Variants in GAB2 observed in about 807,000 individuals in gnomAD.
The protein encoded by GAB2 is GRB2-associated-binding protein 2.
A neutral mutation model predicts 65.5 loss-of-function variants in GAB2; 26 were observed. That is an observed-to-expected ratio of 0.40 (90% CI 0.29 to 0.55). The LOEUF (loss-of-function observed/expected upper bound fraction) is 0.55. Ranked by LOEUF, GAB2 falls within the 20% of genes least tolerant of loss-of-function variation. The pLI, the probability that GAB2 is intolerant of heterozygous loss-of-function variation, is 0.53. For synonymous variants in GAB2, 321 were observed against 329.6 expected, an observed-to-expected ratio of 0.97 and a Z score of 0.28; for missense variants, 884 against 875.8, an observed-to-expected ratio of 1.01 and a Z score of -0.12.
chr11:78,400,629 G>A (rs1341405443), intron 1 of GAB2, among the ~76,000 whole-genome samples: 5 of 152,212 alleles, frequency 3.3e-5, no homozygotes, highest in East Asian at 1.9e-4. Flanking sequence ...AAGGCCAGGC[G>A]CAGTGGCTCA....
chr11:78,269,463 GA>G (rs1300859241), intron 2 of GAB2, among the ~76,000 whole-genome samples: 1 of 152,148 alleles, frequency 6.6e-6, no homozygotes, highest in Non-Finnish European at 1.5e-5. Flanking sequence ...GAATGAATCT[GA>G]ATGGACTACT....
chr11:78,415,614 C>CT (rs1476811408), intron 1 of GAB2, among the ~76,000 whole-genome samples: 20 of 152,194 alleles, frequency 1.3e-4, no homozygotes, highest in Admixed American at 1.2e-3. Context: ...CTAAGAAAAG[C>CT]TGTTACTTAA....
chr11:78,408,514 A>G (rs955176616), intron 1 of GAB2, among the ~76,000 whole-genome samples: 14 of 152,276 alleles, frequency 9.2e-5, no homozygotes, highest in African/African-American at 3.4e-4. Context: ...ATAAAGTGGC[A>G]GAACTAAGCT....
intron 3 of GAB2, among the ~76,000 whole-genome samples, chr11:78,227,308 G>A (rs1404570524): frequency 1.3e-5 from 2 of 152,302 alleles, no homozygotes; most frequent in East Asian, 3.9e-4. Context: ...CAATAAGCCA[G>A]ATGGATTGCC....
chr11:78,244,331 G>T (rs573017740), intron 3 of GAB2, among the ~76,000 whole-genome samples: 3 of 152,054 alleles, frequency 2.0e-5, no homozygotes, highest in African/African-American at 7.2e-5. Context: ...GGCAGAAGTT[G>T]CAGTGAGCCA....
At chr11:78,248,782 C>T (rs1416653721) in intron 3 of GAB2, among the ~76,000 whole-genome samples, 1 of 152,118 alleles carries the variant, frequency 6.6e-6, no homozygotes, top group Non-Finnish European at 1.5e-5. Flanking sequence ...GTAAAAGAAC[C>T]TGAATTTGAA....
At chr11:78,318,136 T>C (rs868203551) in intron 1 of GAB2, 1 of 151,790 alleles carries the variant, frequency 6.6e-6, no homozygotes, top group Non-Finnish European at 1.5e-5. Context: ...CAGAACTGAT[T>C]ACCTACCAGG....
intron 1 of GAB2, among the ~76,000 whole-genome samples, chr11:78,322,489 C>A (rs921996359): frequency 2.0e-5 from 3 of 151,418 alleles, no homozygotes; most frequent in African/African-American, 7.3e-5. Flanking sequence ...TTGTACACAG[C>A]AAAAGAAACT....
At chr11:78,263,975 G>A (rs1477678368) in intron 2 of GAB2, among the ~76,000 whole-genome samples, 2 of 150,814 alleles carry the variant, frequency 1.3e-5, no homozygotes, top group East Asian at 3.9e-4. Context: ...TTTTTCTACT[G>A]TAAGGAAAAT....
chr11:78,380,293 C>T (rs143643416), intron 1 of GAB2, among the ~76,000 whole-genome samples: 1,894 of 152,190 alleles, frequency 0.012, 31 homozygotes, highest in African/African-American at 0.043. Flanking sequence ...CTGCAACCTC[C>T]GCCTCCCGGG....
intron 1 of GAB2, among the ~76,000 whole-genome samples, chr11:78,411,167 G>T (rs899901860): frequency 1.3e-5 from 2 of 149,526 alleles, no homozygotes; most frequent in Non-Finnish European, 3.0e-5. Context: ...GTTGGGGGGG[G>T]GGATGGTGGA....
chr11:78,407,667 A>AAGAAAGAAAGAAAGAGATGGC (rs1565188213), intron 1 of GAB2, among the ~76,000 whole-genome samples: 12 of 126,646 alleles, frequency 9.5e-5, no homozygotes, highest in Admixed American at 3.4e-4. Flanking sequence ...GTAAGAAAGA[A>AAGAAAGAAAGAAAGAGATGGC]AGAAAGAAAG....
chr11:78,410,086 A>T (rs950971393), intron 1 of GAB2, among the ~76,000 whole-genome samples: 11 of 152,232 alleles, frequency 7.2e-5, no homozygotes, highest in African/African-American at 2.7e-4. Context: ...AGCAAATAAA[A>T]ATTGAAAATG....
chr11:78,293,912 TTTTTTA>T (rs138053725), intron 1 of GAB2, among the ~76,000 whole-genome samples: 24,407 of 151,874 alleles, frequency 0.16, 2,392 homozygotes, highest in East Asian at 0.4. Context: ...ATATGAGTCT[TTTTTTA>T]TTTTTATTTT....
intron 1 of GAB2, among the ~76,000 whole-genome samples, chr11:78,284,398 T>C (rs1866416475): frequency 6.6e-6 from 1 of 152,218 alleles, no homozygotes; most frequent in African/African-American, 2.4e-5. Flanking sequence ...TGGCTGTTCA[T>C]CTCACTCAGA....
rs1272310364 is a variant in GAB2, at chr11:78,220,389, T to C, written c.1817A>G (p.Lys606Arg). The C allele has an allele frequency of 1.2e-6, 2 of 1,612,550 alleles. No individual in the cohort carries two copies. The highest frequency in any genetic ancestry group is 1.1e-5 in the South Asian group (1 of 90,960). Residue 606 changes from lysine to arginine, a missense_variant, in exon 9 of 10, where the codon AAG (lysine) becomes AGG (arginine). Coordinates refer to ENST00000361507, the MANE Select transcript of GAB2 (RefSeq NM_080491.3). The stretch of plus-strand genomic sequence containing the variant: ...ATAATCAACGCTGCCGGTGCTCTTC[T>C]TAGGGGCAGGACTGTTCGTGCCACT... ...VPSGTNSPAP[K>R]KSTGSVDYLA...
At chr11:78,309,928 G>A (rs1301472485) in intron 1 of GAB2, among the ~76,000 whole-genome samples, 2 of 4,302 alleles carry the variant, frequency 4.6e-4, no homozygotes, top group East Asian at 1.6e-3. Context: ...GGTTAGAAAT[G>A]TGTGTGTGTG....
At chr11:78,254,405 AG>A (rs1443664593) in intron 2 of GAB2, among the ~76,000 whole-genome samples, 1 of 152,234 alleles carries the variant, frequency 6.6e-6, no homozygotes, top group Non-Finnish European at 1.5e-5. Context: ...AAGAAGATGA[AG>A]TAGGGATTAG....
intron 9 of GAB2, 140 bp from the exon 10 acceptor site, chr11:78,219,555 A>G: frequency 2.7e-6 from 2 of 734,222 alleles, no homozygotes; most frequent in South Asian, 3.5e-5. Flanking sequence ...CAGCCTCAGG[A>G]GCCTGGCTTC....
Sources: allele counts gnomAD v4.1 joint callset (sites outside exome capture counted in the v4.1 genomes callset), GRCh38; gene constraint gnomAD v4.1.1; transcripts MANE v1.5; gene names NCBI Gene and HGNC (gene_info 2026-07-23, HGNC 2026-07-21).